The following PRKD2 variants were observed in gnomAD, a reference collection of about 807,000 sequenced individuals.
The protein encoded by PRKD2 is protein kinase D2.
In PRKD2, 22 loss-of-function variants were observed where a neutral mutation model predicts 86.0. The ratio of observed to expected loss-of-function variants is 0.26; its 90% CI spans 0.18 to 0.37. The LOEUF is 0.37. Among genes scored for constraint, PRKD2 ranks in the 10% least tolerant of loss-of-function variants. PRKD2 has a pLI of 1.00. For synonymous variants in PRKD2, 509 were observed against 510.9 expected (o/e 1.00, Z 0.05); for missense variants, 818 against 1,199.2 (o/e 0.68, Z 4.70).
At position 46,697,778 on chromosome 19, in the gene PRKD2, C is replaced by G. The variant is rs773467323; in HGVS notation, c.1194G>C (p.Thr398=). The change falls in exon 8 of 18, where the codon ACG becomes ACC. Residue 398 remains threonine, a synonymous_variant. Transcript: ENST00000291281. ...AATGAACCACCCAACCCTCCCGCAG[C>G]GTGGTGCTGGATTTCCGCGTCGTGT... ...VRHTTRKSST[T]LREGWVVHYS... 6.2e-7 allele frequency: 1 copy of G among 1,614,110 alleles called. No individual in the cohort carries two copies. The highest frequency in any genetic ancestry group is 8.5e-7 in the Non-Finnish European group (1 of 1,180,018).
chr19:46,701,252 G>T, intron 5 of PRKD2, 140 bp from the exon 6 acceptor site: 2 of 899,258 alleles, frequency 2.2e-6, no homozygotes, highest in Non-Finnish European at 3.5e-6. Context: ...TGCTGCCCTG[G>T]TCATTTTCCC....
chr19:46,714,045 C>G, intron 1 of PRKD2, 44 bp from the exon 2 acceptor site: 2 of 1,597,346 alleles, frequency 1.3e-6, no homozygotes, highest in East Asian at 2.2e-5. Context: ...AGCTCAGAGC[C>G]GCCTTCAGCA....
rs71177241 is a variant in PRKD2 at position 46,682,701 on chromosome 19, A to ATT, written c.1972-955_1972-954dup. The stretch of plus-strand genomic sequence containing the variant: ...TTCCAAGATCCAACTATGTGATTCT[A>ATT]TTTTTTTTTTTTTTTTTTTTTTGAG... On this transcript the variant is annotated intron_variant, in intron 14 of 17. Coordinates refer to ENST00000291281, the MANE Select transcript of PRKD2 (RefSeq NM_016457.5). 5.5e-4 allele frequency among the ~76,000 whole-genome samples: 57 copies of ATT among 102,850 alleles called. 1 individual carries two copies. The highest frequency in any genetic ancestry group is 1.4e-3 in the Admixed American group (13 of 9,286). 67.5% of individuals were successfully genotyped at this position (102,850 alleles called of 152,430 possible). A position where few individuals can be genotyped will look rare whatever the true frequency, so the allele number is the denominator to read the frequency against.
chr19:46,680,640 C>T (rs1405524328), intron 15 of PRKD2, among the ~76,000 whole-genome samples: 1 of 151,280 alleles, frequency 6.6e-6, no homozygotes, highest in East Asian at 2.0e-4. Context: ...ATCTATTTCC[C>T]CAACTGTTAT....
At chr19:46,700,608 C>T (rs908384474) in intron 7 of PRKD2, among the ~76,000 whole-genome samples, 191 bp downstream of exon 7, 9 of 152,012 alleles carry the variant, frequency 5.9e-5, no homozygotes, top group African/African-American at 1.9e-4. Context: ...CCAGCCTGGG[C>T]GACAGACCGA....
At chr19:46,695,246 G>C in intron 9 of PRKD2, among the ~76,000 whole-genome samples, 1 of 152,108 alleles carries the variant, frequency 6.6e-6, no homozygotes, top group East Asian at 1.9e-4. Flanking sequence ...CAACACTTTG[G>C]GAGGCCAAGG....
intron 5 of PRKD2, among the ~76,000 whole-genome samples, chr19:46,701,757 G>T (rs554521793): frequency 5.9e-5 from 9 of 151,944 alleles, no homozygotes; most frequent in African/African-American, 2.2e-4. Flanking sequence ...CTAACACAGT[G>T]CCCAGGATAA....
Position 46,689,523 on chromosome 19 carries a change from C to T in PRKD2, c.1971+14G>A, listed in dbSNP as rs376385340. The stretch of plus-strand genomic sequence containing the variant: ...ATGGGGAGGGGCGGGTGGCAGCGGG[C>T]AGGGCAGACGCACCTGGGTGATGAG... On this transcript the variant is annotated intron_variant, in intron 14 of 17. Transcript: ENST00000291281. 254 of 1,585,316 alleles carry T rather than the reference C, an allele frequency of 1.6e-4. No individual in the cohort carries two copies. The highest frequency in any genetic ancestry group is 2.1e-4 in the Non-Finnish European group (244 of 1,166,366).
rs1167588770 is a variant in PRKD2 at position 46,678,385 on chromosome 19, G to T, written c.2338+11C>A. The T allele has an allele frequency of 1.2e-6, 2 of 1,613,516 alleles. No individual in the cohort carries two copies. Among genetic ancestry groups the T allele is most frequent in the Non-Finnish European group, 1.7e-6 (2 of 1,179,910 alleles). ...ACCCACCCGCCCATGGGGTAGGCGG[G>T]CCCCAGGCACCTCCAGCTGAGATGT... is the stretch of plus-strand genomic sequence containing the variant. On this transcript the variant is annotated intron_variant, in intron 16 of 17. Transcript: ENST00000291281. This position sits in a 1 kb window ranked among gnomAD's most constrained non-coding sequence, Gnocchi z 5.7.
rs1442658458 is a variant in PRKD2 at position 46,674,524 on chromosome 19, C to T, written c.2636G>A (p.Ter879=). ...QGLAERISVL[*] is the part of the protein sequence containing the mutation. ...GCAGCTGGACGAGGGCACAGGACCT[C>T]AGAGAACACTGATGCGCTCCGCCAG... The change falls in exon 18 of 18, where the codon TGA becomes TAA. Residue 879 remains the stop codon, a stop_retained_variant. Transcript: ENST00000291281. The T allele has an allele frequency of 1.2e-6, 2 of 1,611,300 alleles. No individual in the cohort carries two copies. The highest frequency in any genetic ancestry group is 1.7e-6 in the Non-Finnish European group (2 of 1,178,778).
intron 7 of PRKD2, among the ~76,000 whole-genome samples, chr19:46,699,635 T>A (rs1349456218): frequency 6.6e-6 from 1 of 152,136 alleles, no homozygotes; most frequent in Non-Finnish European, 1.5e-5. Context: ...CTGTGCTTTC[T>A]CAATAAACAT....
At chr19:46,713,820 C>T in intron 2 of PRKD2, 43 bp downstream of exon 2, 1 of 1,347,608 alleles carries the variant, frequency 7.4e-7, no homozygotes, top group Non-Finnish European at 1.0e-6. Context: ...GATGCCCCGC[C>T]CCCACCCGAG....
intron 1 of PRKD2, 198 bp from the exon 2 acceptor site, chr19:46,714,199 G>A: frequency 1.5e-6 from 2 of 1,331,118 alleles, no homozygotes; most frequent in Non-Finnish European, 1.9e-6. Flanking sequence ...TGTACGGGGA[G>A]GGGGCGCCGG....
intron 8 of PRKD2, 177 bp from the exon 9 acceptor site, chr19:46,697,411 G>GC (rs1329073727): frequency 2.0e-6 from 1 of 488,072 alleles, no homozygotes; most frequent in East Asian, 3.3e-5. Context: ...CCCGCCCCTA[G>GC]CCTTAACCCT....
chr19:46,692,317 G>A (rs538095979), intron 10 of PRKD2, among the ~76,000 whole-genome samples: 3 of 152,204 alleles, frequency 2.0e-5, no homozygotes, highest in East Asian at 3.9e-4. Flanking sequence ...CCATTGTACA[G>A]AGAAGGAAAC....
At chr19:46,712,573 A>G (rs1215058468) in intron 2 of PRKD2, among the ~76,000 whole-genome samples, 1 of 152,202 alleles carries the variant, frequency 6.6e-6, no homozygotes, top group Non-Finnish European at 1.5e-5. Context: ...TGACAAAAAC[A>G]AAACAAAACT....
At position 46,674,555 on chromosome 19, in the gene PRKD2, G is replaced by A. The variant is rs779143456; in HGVS notation, c.2605C>T (p.Gln869Ter). 5.6e-6 allele frequency: 9 copies of A among 1,612,862 alleles called. No homozygotes were observed. The highest frequency in any genetic ancestry group is 5.1e-6 in the Non-Finnish European group (6 of 1,179,960). ...GACPPQDHDM[Q>*]GLAERISVL is the part of the protein sequence containing the mutation. ...ACACTGATGCGCTCCGCCAGCCCCT[G>A]CATGTCGTGGTCCTGTGGTGGACAG... Residue 869 changes from glutamine to a stop codon, truncating the protein, a stop_gained, in exon 18 of 18, where the codon CAG becomes TAG. Transcript: ENST00000291281. LOFTEE classifies it high-confidence loss of function.
intron 14 of PRKD2, chr19:46,688,681 C>G (rs1302720823): frequency 2.6e-5 from 4 of 152,224 alleles, no homozygotes; most frequent in Non-Finnish European, 1.5e-5. Flanking sequence ...AGGTGATCCA[C>G]CCGCCTTGGC....
chr19:46,702,031 GTTTTTTGTTTT>G (rs1176305776), intron 5 of PRKD2, among the ~76,000 whole-genome samples: 3 of 122,158 alleles, frequency 2.5e-5, no homozygotes, highest in Admixed American at 1.8e-4. Flanking sequence ...CTATGATTCT[GTTTTTTGTTTT>G]TTTTTTTTTT....
Sources: allele counts gnomAD v4.1 joint callset (sites outside exome capture counted in the v4.1 genomes callset), GRCh38; gene constraint gnomAD v4.1.1; non-coding constraint Gnocchi (gnomAD v3.1); transcripts MANE v1.5; gene names NCBI Gene and HGNC (gene_info 2026-07-23, HGNC 2026-07-21).